The following CCNY variants were observed in gnomAD, a reference collection of about 807,000 sequenced individuals.
CCNY encodes cyclin-Y.
In CCNY, 19 loss-of-function variants were observed where a neutral mutation model predicts 42.8. The ratio of observed to expected loss-of-function variants is 0.44; its 90% confidence interval spans 0.31 to 0.65. The LOEUF (loss-of-function observed/expected upper bound fraction) is 0.65, where lower values mean the gene tolerates loss of function less well. CCNY is among the 30% of genes least tolerant of loss of function. The probability of loss-of-function intolerance (pLI) is 0.07; values close to 1 mark genes in which losing one functional copy is unlikely to be tolerated. For synonymous variants in CCNY, 165 were observed against 162.7 expected (o/e 1.01, Z -0.11); for missense variants, 370 against 437.3 (o/e 0.85, Z 1.37).
intron 3 of CCNY, among the ~76,000 whole-genome samples, chr10:35,330,756 ATTT>A (rs1247357767): frequency 4.2e-5 from 6 of 142,704 alleles, no homozygotes; most frequent in Admixed American, 7.0e-5. Context: ...GGCAGCTTTT[ATTT>A]TTTTTTTTTT....
intron 1 of CCNY, among the ~76,000 whole-genome samples, chr10:35,347,863 T>C (rs1836340727): frequency 6.6e-6 from 1 of 152,220 alleles, no homozygotes; most frequent in South Asian, 2.1e-4. Flanking sequence ...GTTTGTAAAA[T>C]TTGTGTAGTT....
At chr10:35,525,926 G>T (rs1840642352) in intron 4 of CCNY, 38 bp from the exon 5 acceptor site, 1 of 1,594,540 alleles carries the variant, frequency 6.3e-7, no homozygotes, top group Admixed American at 1.7e-5. Flanking sequence ...TCTTGAATAT[G>T]CTCATGGACA....
chr10:35,439,532 CTCTT>C (rs1302532425), intron 1 of CCNY, among the ~76,000 whole-genome samples: 2 of 151,698 alleles, frequency 1.3e-5, no homozygotes, highest in African/African-American at 2.4e-5. Context: ...CTCTCTCTCT[CTCTT>C]TTTTTTTGTT....
intron 1 of CCNY, among the ~76,000 whole-genome samples, chr10:35,381,152 G>A (rs116021290): frequency 0.014 from 2,093 of 152,238 alleles, 43 homozygotes; most frequent in African/African-American, 0.048. Flanking sequence ...AAACAATGTC[G>A]GTGATATTCT....
chr10:35,491,768 C>A (rs1464590441), intron 2 of CCNY, among the ~76,000 whole-genome samples: 1 of 152,064 alleles, frequency 6.6e-6, no homozygotes, highest in Admixed American at 6.5e-5. Flanking sequence ...TGCCTGCCCC[C>A]ACACCTGGCT....
chr10:35,535,202 A>G (rs979243330), intron 7 of CCNY, among the ~76,000 whole-genome samples: 1 of 151,886 alleles, frequency 6.6e-6, no homozygotes, highest in Non-Finnish European at 1.5e-5. Context: ...AGCCCTTCGT[A>G]TTTATTGAGT....
chr10:35,554,289 C>T (rs139180456), intron 8 of CCNY, among the ~76,000 whole-genome samples: 163 of 152,300 alleles, frequency 1.1e-3, no homozygotes, highest in African/African-American at 3.8e-3. Flanking sequence ...CCCTTTGAAG[C>T]ACTGCTTGTT....
At chr10:35,474,981 C>A (rs552958580) in intron 1 of CCNY, among the ~76,000 whole-genome samples, 1 of 151,836 alleles carries the variant, frequency 6.6e-6, no homozygotes. Context: ...AACCAAGGCT[C>A]GAGAACTACG....
intron 3 of CCNY, among the ~76,000 whole-genome samples, chr10:35,306,364 C>T (rs1835606574): frequency 6.6e-6 from 1 of 152,224 alleles, no homozygotes; most frequent in Non-Finnish European, 1.5e-5. Context: ...TTCAGCACAG[C>T]ATGGAAGTTG....
intron 1 of CCNY, among the ~76,000 whole-genome samples, chr10:35,343,382 CTTTTTTTTT>C (rs9299720): frequency 1.0e-4 from 9 of 85,902 alleles, no homozygotes; most frequent in African/African-American, 3.5e-4. Flanking sequence ...AGCTGATGGT[CTTTTTTTTT>C]TTTTTTTTTT....
intron 5 of CCNY, among the ~76,000 whole-genome samples, chr10:35,528,054 G>A (rs1483185122): frequency 1.3e-5 from 2 of 152,128 alleles, no homozygotes; most frequent in Non-Finnish European, 2.9e-5. Flanking sequence ...TGTTTCTCTA[G>A]GGTGCTGGAT....
chr10:35,403,708 T>C (rs555963747), intron 1 of CCNY, among the ~76,000 whole-genome samples: 2 of 152,350 alleles, frequency 1.3e-5, no homozygotes, highest in East Asian at 1.9e-4. Flanking sequence ...AATATAAATA[T>C]TGACACGTGG....
At chr10:35,324,337 G>C (rs1835856047) in intron 3 of CCNY, among the ~76,000 whole-genome samples, 1 of 152,138 alleles carries the variant, frequency 6.6e-6, no homozygotes, top group Non-Finnish European at 1.5e-5. Flanking sequence ...TACTGCAGCT[G>C]AGCTCTGTAA....
intron 8 of CCNY, among the ~76,000 whole-genome samples, chr10:35,562,035 G>A (rs560892747): frequency 2.0e-5 from 3 of 152,194 alleles, no homozygotes; most frequent in Non-Finnish European, 4.4e-5. Context: ...AGTGGCAACC[G>A]CTGTGGATGG....
At chr10:35,448,254 C>G (rs1301057938) in intron 1 of CCNY, among the ~76,000 whole-genome samples, 2 of 152,064 alleles carry the variant, frequency 1.3e-5, no homozygotes, top group Admixed American at 6.5e-5. Context: ...ATCTGGGGCC[C>G]CAGGGCAGTC....
chr10:35,517,147 G>A (rs1366824184), intron 4 of CCNY, among the ~76,000 whole-genome samples: 1 of 152,152 alleles, frequency 6.6e-6, no homozygotes, highest in South Asian at 2.1e-4. Flanking sequence ...CAAAGAGAAC[G>A]TGGGTGGGAT....
intron 2 of CCNY, among the ~76,000 whole-genome samples, chr10:35,248,507 A>T (rs1300768960): frequency 6.6e-6 from 1 of 152,058 alleles, no homozygotes; most frequent in Non-Finnish European, 1.5e-5. Context: ...TTAGCTGGGC[A>T]TGGTCGTGCA....
At chr10:35,286,655 CTTTT>C (rs1192327536) in intron 3 of CCNY, among the ~76,000 whole-genome samples, 2 of 112,240 alleles carry the variant, frequency 1.8e-5, no homozygotes, top group Admixed American at 9.5e-5. Flanking sequence ...CGTGCCCAGC[CTTTT>C]TTTTTTTTTT....
intron 2 of CCNY, among the ~76,000 whole-genome samples, chr10:35,486,144 C>G (rs1006402953): frequency 2.0e-5 from 3 of 152,190 alleles, no homozygotes; most frequent in Non-Finnish European, 4.4e-5. Context: ...TTCTACCCTG[C>G]CCAGGTCCCT....
Sources: allele counts gnomAD v4.1 joint callset (sites outside exome capture counted in the v4.1 genomes callset), GRCh38; gene constraint gnomAD v4.1.1; transcripts MANE v1.5; gene names NCBI Gene and HGNC (gene_info 2026-07-23, HGNC 2026-07-21).